PKD1: variants seen among roughly 807,000 people sequenced by gnomAD.
The protein encoded by PKD1 is polycystin-1.
PKD1 carries 81 observed loss-of-function variants against 361.7 expected under a neutral mutation model. The observed-to-expected ratio is 0.22, with a 90% confidence interval of 0.19 to 0.27. The LOEUF (loss-of-function observed/expected upper bound fraction) is 0.27. Ranked by LOEUF, PKD1 falls within the 10% of genes least tolerant of loss-of-function variation. The pLI is 1.00. For synonymous variants in PKD1, 3,615 were observed against 2,818.3 expected (o/e 1.28, Z -8.95); for missense variants, 6,399 against 6,118.3 (o/e 1.05, Z -1.53).
At chr16:2,120,187 G>A in intron 1 of PKD1, 1 of 349,534 alleles carries the variant, frequency 2.9e-6, no homozygotes. Flanking sequence ...ACTCCAGCCT[G>A]GGTGAAACGG....
At position 2,110,209 on chromosome 16, in the gene PKD1, T is replaced by C. The variant is rs2092464901; in HGVS notation, c.4958A>G (p.Gln1653Arg). 1 of 1,611,834 alleles carries C rather than the reference T, an allele frequency of 6.2e-7. No homozygotes were observed. Among genetic ancestry groups the C allele is most frequent in the African/African-American group, 1.3e-5 (1 of 75,034 alleles). The change falls in exon 15 of 46, where the codon CAG becomes CGG. Residue 1653 changes from glutamine (Q) to arginine (R), a missense_variant. Physicochemically the swap from Gln to Arg is conservative, Grantham distance 43. Coordinates refer to ENST00000262304, the MANE Select transcript of PKD1 (RefSeq NM_001009944.3). ...YFPTNHTVQL[Q>R]AVVRDGTNVS... ...GTTGGTGCCATCCCTAACCACGGCCTGCAGCTGTACCGTGTGGTTGGTGGG... is the reference window on the plus strand; with the variant it reads ...GTTGGTGCCATCCCTAACCACGGCCCGCAGCTGTACCGTGTGGTTGGTGGG...
At position 2,125,735 on chromosome 16, in the gene PKD1, T is replaced by TC. The variant is rs1429178993; in HGVS notation, c.216-6358dup. 1.4e-4 allele frequency among the ~76,000 whole-genome samples: 21 copies of TC among 151,870 alleles called. No homozygotes were observed. In the East Asian group the frequency reaches 4.1e-3, roughly 29 times the overall value. ...CTGCCGCTGGGGTCGGGGCCACCCTTCCAGTTCAAGGGGAGAATGAGGGCC... is the reference window on the plus strand; with the variant it reads ...CTGCCGCTGGGGTCGGGGCCACCCTTCCCAGTTCAAGGGGAGAATGAGGGCC... On this transcript the variant is annotated intron_variant, in intron 1 of 45. Transcript: ENST00000262304.
Position 2,111,270 on chromosome 16 carries a change from A to G in PKD1, c.3897T>C (p.Val1299=), listed in dbSNP as rs567722956. Residue 1299 remains valine, a synonymous_variant, in exon 15 of 46, where the codon GTT becomes GTC. Transcript: ENST00000262304. ...VLVFVLEVLR[V]EPAACIPTQP... Reference sequence around the variant, plus strand: ...GCGTGGGGATGCAGGCGGCGGGTTCAACGCGCAGCACCTCCAGGACGAAGA... The same window carrying G: ...GCGTGGGGATGCAGGCGGCGGGTTCGACGCGCAGCACCTCCAGGACGAAGA... The G allele has an allele frequency of 2.5e-6, 4 of 1,609,716 alleles. No homozygotes were observed. The highest frequency in any genetic ancestry group is 1.7e-5 in the Admixed American group (1 of 59,964).
chr16:2,124,402 C>T (rs1193720923), intron 1 of PKD1, among the ~76,000 whole-genome samples: 4 of 152,360 alleles, frequency 2.6e-5, no homozygotes, highest in South Asian at 2.1e-4. Flanking sequence ...CCACAGTTGG[C>T]GCGAGGGTGG....
rs374486053 is a variant in PKD1, at chr16:2,094,178, A to G, written c.10532T>C (p.Leu3511Pro). 6.2e-6 allele frequency: 10 copies of G among 1,606,374 alleles called. No individual in the cohort carries two copies. In the African/African-American group the frequency reaches 1.1e-4, roughly 17 times the overall value. ...SSTPGEKTET[L>P]ALQRLGELGP... ...CAGCTCCCCCAGCCTCTGCAGCGCC[A>G]GCGTCTCTGTCTTCTCCCCAGGAGT... The change falls in exon 35 of 46, where the codon CTG becomes CCG. Residue 3511 changes from leucine to proline, a missense_variant. Leu to Pro is a moderately conservative substitution (Grantham distance 98). Coordinates refer to ENST00000262304, the MANE Select transcript of PKD1 (RefSeq NM_001009944.3).
At position 2,109,648 on chromosome 16, in the gene PKD1, G is replaced by A. The variant is rs1214442453; in HGVS notation, c.5519C>T (p.Ala1840Val). The A allele has an allele frequency of 6.9e-6, 11 of 1,594,646 alleles. No individual in the cohort carries two copies. The South Asian group carries it at 7.9e-5, about 11-fold the overall frequency. ...ATGTNVSWCW[A>V]VPGGSSKRGP... ...ACGCTTGCTGCTGCCGCCGGGCACA[G>A]CCCAGCACCAGCTCACATTGGTGCC... is the stretch of plus-strand genomic sequence containing the variant. Residue 1840 changes from alanine (A) to valine (V), a missense_variant, in exon 15 of 46, where the codon GCT becomes GTT. Ala to Val is a moderately conservative substitution (Grantham distance 64). Transcript: ENST00000262304.
chr16:2,089,358 C>CG lies in PKD1; in HGVS notation c.*368dup, dbSNP rs1013795627. ...AGGTAATAACTTAGGGGCAGGGTGG[C>CG]GGCGGTGCAGGCTAACCCTCCCTGA... On this transcript the variant is annotated 3_prime_UTR_variant, in exon 46 of 46. Coordinates refer to ENST00000262304, the MANE Select transcript of PKD1 (RefSeq NM_001009944.3). 5.7e-6 allele frequency: 2 copies of CG among 353,390 alleles called. No individual in the cohort carries two copies. Among genetic ancestry groups the CG allele is most frequent in the African/African-American group, 4.1e-5 (2 of 48,212 alleles). 21.9% of individuals were successfully genotyped at this position (353,390 alleles called of 1,614,324 possible).
chr16:2,125,080 C>A (rs1160610087), intron 1 of PKD1, among the ~76,000 whole-genome samples: 1 of 152,256 alleles, frequency 6.6e-6, no homozygotes, highest in African/African-American at 2.4e-5. Flanking sequence ...CTGGGCCAGC[C>A]GAGCCATGAC....
rs555664461 is a variant in PKD1, at chr16:2,126,280, G to A, written c.216-6902C>T. Among the ~76,000 whole-genome samples the A allele has an allele frequency of 5.2e-5, 8 of 152,388 alleles. No homozygotes were observed. In the East Asian group the frequency reaches 1.5e-3, roughly 29 times the overall value. On this transcript the variant is annotated intron_variant, in intron 1 of 45. Transcript: ENST00000262304. ...GGCCTCATTCCTGCCTCAACCAGAA[G>A]GAAGAGCTGGCTTCCGCCTCTGCCT... is the stretch of plus-strand genomic sequence containing the variant.
intron 30 of PKD1, chr16:2,099,262 C>T (rs950740560): frequency 2.2e-5 from 8 of 358,284 alleles, no homozygotes; most frequent in Non-Finnish European, 3.3e-5. Flanking sequence ...ACACCCGGCC[C>T]GGCCACTGGG....
chr16:2,124,471 G>T (rs1401234134), intron 1 of PKD1, among the ~76,000 whole-genome samples: 3 of 152,230 alleles, frequency 2.0e-5, no homozygotes, highest in African/African-American at 7.2e-5. Context: ...TGCCCCACAG[G>T]CGCTCCTGGG....
At position 2,093,921 on chromosome 16, in the gene PKD1, C is replaced by T; in HGVS notation, c.10711G>A (p.Ala3571Thr). The change falls in exon 36 of 46, where the codon GCT becomes ACT. Residue 3571 changes from alanine (A) to threonine (T), a missense_variant. Transcript: ENST00000262304. Reference sequence around the variant, plus strand: ...CTCGCACCCACCCACCCTGAGACAGCCACAGCCACAGCCACCAGGAGCAGG... The same window carrying T: ...CTCGCACCCACCCACCCTGAGACAGTCACAGCCACAGCCACCAGGAGCAGG... The part of the protein sequence containing the change: ...LSLLLVAVAV[A>T]VSGWVGASFP... 6.3e-7 allele frequency: 1 copy of T among 1,582,088 alleles called. No individual in the cohort carries two copies.
At position 2,099,945 on chromosome 16, in the gene PKD1, C is replaced by G; in HGVS notation, c.9839G>C (p.Arg3280Thr). 1 of 1,562,514 alleles carries G rather than the reference C, an allele frequency of 6.4e-7. No individual in the cohort carries two copies. The highest frequency in any genetic ancestry group is 8.7e-7 in the Non-Finnish European group (1 of 1,154,816). The change falls in exon 29 of 46, where the codon AGG becomes ACG. Residue 3280 changes from arginine (R) to threonine (T), a missense_variant. Coordinates refer to ENST00000262304, the MANE Select transcript of PKD1 (RefSeq NM_001009944.3). ...PPRSRFTRIQ[R>T]ATCCVLLICL... The stretch of plus-strand genomic sequence containing the variant: ...GATGAGGAGAACGCAGCAGGTGGCC[C>G]TCTGGATGCGAGTGAAACGGCTACG...
At chr16:2,093,225 ACT>A (rs1366940518) in intron 37 of PKD1, 132 bp from the exon 38 acceptor site, 7 of 1,088,518 alleles carry the variant, frequency 6.4e-6, no homozygotes, top group Non-Finnish European at 9.6e-6. Flanking sequence ...GCGCCCCAAG[ACT>A]CTACCTGGCC....
chr16:2,122,269 T>C (rs1049198200), intron 1 of PKD1, among the ~76,000 whole-genome samples: 8 of 152,226 alleles, frequency 5.3e-5, no homozygotes, highest in Non-Finnish European at 8.8e-5. Context: ...CATCTGCGGA[T>C]GGAGGGCACG....
At chr16:2,113,063 G>A (rs559717259) in intron 12 of PKD1, 98 bp downstream of exon 12, 78 of 1,329,462 alleles carry the variant, frequency 5.9e-5, no homozygotes, top group Middle Eastern at 2.5e-4. Flanking sequence ...CAGCGTCCTC[G>A]GGCAGCATGA....
intron 34 of PKD1, 178 bp downstream of exon 34, chr16:2,096,970 G>C: frequency 1.6e-6 from 1 of 620,648 alleles, no homozygotes; most frequent in Non-Finnish European, 2.9e-6. Flanking sequence ...CTGGGGCCCT[G>C]GGGATCCCAT....
chr16:2,091,339 GTGA>G (rs2091557846), intron 42 of PKD1, 81 bp downstream of exon 42: 1 of 582,220 alleles, frequency 1.7e-6, no homozygotes, highest in African/African-American at 3.3e-5. Context: ...GCTGCGAGGG[GTGA>G]GACGCTGCCG....
At position 2,100,757 on chromosome 16, in the gene PKD1, G is replaced by T; in HGVS notation, c.9398-191C>A. ...TGTCCAATTAACAGCAGGACCTCAA[G>T]GACATGATTAAGTTACATGGAAAGA... On this transcript the variant is annotated intron_variant, in intron 26 of 45. Coordinates refer to ENST00000262304, the MANE Select transcript of PKD1 (RefSeq NM_001009944.3). This position sits in a 1 kb window ranked among gnomAD's most constrained non-coding sequence, Gnocchi z 4.4. 3.3e-6 allele frequency: 2 copies of T among 605,090 alleles called. No individual in the cohort carries two copies. The highest frequency in any genetic ancestry group is 3.9e-5 in the South Asian group (2 of 51,406). The allele number at this position is 605,090 out of a possible 1,614,324, so 37.5% of individuals were successfully genotyped here.
Sources: allele counts gnomAD v4.1 joint callset (sites outside exome capture counted in the v4.1 genomes callset), GRCh38; gene constraint gnomAD v4.1.1; non-coding constraint Gnocchi (gnomAD v3.1); transcripts MANE v1.5; gene names NCBI Gene and HGNC (gene_info 2026-07-23, HGNC 2026-07-21).